The following SGCD variants were observed in gnomAD, a reference collection of about 807,000 sequenced individuals.
SGCD encodes sarcoglycan delta.
In SGCD, 18 loss-of-function variants were observed where a neutral mutation model predicts 36.6. The observed-to-expected ratio is 0.49, with a 90% CI of 0.34 to 0.73. The LOEUF is 0.73. Among genes scored for constraint, SGCD ranks in the 30% least tolerant of loss-of-function variants. The pLI, the probability that SGCD is intolerant of heterozygous loss-of-function variation, is 0.01. For synonymous variants in SGCD, 133 were observed against 130.6 expected, an observed-to-expected ratio of 1.02 and a Z score of -0.12; for missense variants, 387 against 346.7, an observed-to-expected ratio of 1.12 and a Z score of -0.92.
At chr5:156,487,665 A>G (rs1755735984) in intron 3 of SGCD, among the ~76,000 whole-genome samples, 1 of 151,238 alleles carries the variant, frequency 6.6e-6, no homozygotes, top group Non-Finnish European at 1.5e-5. Context: ...GTGTGTGCCT[A>G]TAATCCCAGC....
intron 3 of SGCD, among the ~76,000 whole-genome samples, chr5:156,351,770 G>T (rs1192731146): frequency 6.6e-6 from 1 of 152,050 alleles, no homozygotes; most frequent in African/African-American, 2.4e-5. Context: ...GGAGGGAGTG[G>T]CTCAATAACT....
intron 6 of SGCD, among the ~76,000 whole-genome samples, chr5:156,646,238 C>G (rs1222049061): frequency 6.6e-6 from 1 of 152,192 alleles, no homozygotes; most frequent in African/African-American, 2.4e-5. Flanking sequence ...TCTTCACTTC[C>G]TTTCTACATC....
rs1759117799 is a variant in SGCD, at chr5:156,022,109, T to C, written c.-281-95769T>C. Among the ~76,000 whole-genome samples, 3 of 152,220 alleles carry C rather than the reference T, an allele frequency of 2.0e-5. No individual in the cohort carries two copies. The South Asian group carries it at 6.2e-4, about 32-fold the overall frequency. ...AGATTTGCCTATTTTGAACATTTCA[T>C]ATAAATAGTATCATACAATACATGA... is the stretch of plus-strand genomic sequence containing the variant. On this transcript the variant is annotated intron_variant, in intron 1 of 9. Coordinates refer to the SGCD transcript ENST00000517913.
the SGCD span, among the ~76,000 whole-genome samples, chr5:155,747,514 T>C: frequency 2.6e-5 from 4 of 152,210 alleles, no homozygotes; most frequent in Admixed American, 2.0e-4. Flanking sequence ...TGTTGGAGGA[T>C]AGGGACCTTT....
intron 3 of SGCD, among the ~76,000 whole-genome samples, chr5:156,314,714 G>C (rs867841175): frequency 2.0e-5 from 3 of 151,978 alleles, no homozygotes; most frequent in South Asian, 4.1e-4. Context: ...TTTTGGTAGA[G>C]AACATAGCAG....
chr5:156,299,351 T>C (rs910902109), intron 3 of SGCD, among the ~76,000 whole-genome samples: 2 of 152,202 alleles, frequency 1.3e-5, no homozygotes, highest in Non-Finnish European at 2.9e-5. Context: ...AGCTCTGTAG[T>C]ATAATTTGAA....
At chr5:156,692,432 G>A (rs532046780) in intron 7 of SGCD, among the ~76,000 whole-genome samples, 14 of 152,246 alleles carry the variant, frequency 9.2e-5, no homozygotes, top group East Asian at 1.9e-4. Flanking sequence ...TAGATTTTGC[G>A]CCAGCTGAAG....
At chr5:156,184,531 T>C (rs1288762402) in intron 3 of SGCD, among the ~76,000 whole-genome samples, 1 of 152,186 alleles carries the variant, frequency 6.6e-6, no homozygotes, top group East Asian at 1.9e-4. Context: ...CCCTCATATG[T>C]TTATTGATTG....
intron 7 of SGCD, among the ~76,000 whole-genome samples, chr5:156,729,324 T>C (rs1454433798): frequency 6.6e-6 from 1 of 152,216 alleles, no homozygotes; most frequent in East Asian, 1.9e-4. Flanking sequence ...TGACTGGCAT[T>C]GACAGTAAGG....
intron 1 of SGCD, among the ~76,000 whole-genome samples, chr5:155,967,871 C>A (rs1347114901): frequency 6.6e-6 from 1 of 152,048 alleles, no homozygotes; most frequent in Non-Finnish European, 1.5e-5. Flanking sequence ...CACTGAGACA[C>A]CTTTTTTTCT....
At chr5:156,262,617 G>C (rs1330024968) in intron 3 of SGCD, among the ~76,000 whole-genome samples, 1 of 152,026 alleles carries the variant, frequency 6.6e-6, no homozygotes. Flanking sequence ...TGATTTGTTA[G>C]ATTTTGGTGC....
chr5:156,493,733 G>A (rs567613237), intron 3 of SGCD, among the ~76,000 whole-genome samples: 6 of 152,152 alleles, frequency 3.9e-5, no homozygotes, highest in East Asian at 3.9e-4. Flanking sequence ...ATTATTAAAC[G>A]ACTATCTTAC....
At chr5:156,006,139 G>C (rs755490858) in intron 1 of SGCD, among the ~76,000 whole-genome samples, 21 of 152,160 alleles carry the variant, frequency 1.4e-4, no homozygotes, top group Admixed American at 2.0e-4. Context: ...ATTGTGAGCT[G>C]CTGTTGTTAT....
rs1049044925 is a variant in SGCD, at chr5:156,767,719, G to T, written c.*8329G>T. The T allele has an allele frequency of 6.6e-6, 1 of 152,108 alleles. No individual in the cohort carries two copies. The highest frequency in any genetic ancestry group is 6.6e-5 in the Admixed American group (1 of 15,266). The allele number at this position is 152,108 out of a possible 1,614,324, so 9.4% of individuals were successfully genotyped here. ...ATTACACTTTCTGTATAAAAAATTTGTATTTAATATTATTTCGACCACAGT... is the reference window on the plus strand; with the variant it reads ...ATTACACTTTCTGTATAAAAAATTTTTATTTAATATTATTTCGACCACAGT... On this transcript the variant is annotated 3_prime_UTR_variant, in exon 9 of 9. Coordinates refer to ENST00000337851, the MANE Select transcript of SGCD (RefSeq NM_000337.6).
intron 3 of SGCD, among the ~76,000 whole-genome samples, chr5:156,141,869 G>GTATCAAAC (rs1465210983): frequency 6.6e-6 from 1 of 152,154 alleles, no homozygotes; most frequent in Non-Finnish European, 1.5e-5. Context: ...CTTCAAACTA[G>GTATCAAAC]TATCAAACTT....
intron 1 of SGCD, among the ~76,000 whole-genome samples, chr5:155,906,800 G>A (rs569077979): frequency 9.8e-5 from 14 of 143,532 alleles, no homozygotes. Context: ...TGTTGATGCA[G>A]AAGCTGCAGC....
intron 1 of SGCD, among the ~76,000 whole-genome samples, chr5:155,971,644 G>C (rs889104847): frequency 3.3e-5 from 5 of 152,042 alleles, no homozygotes; most frequent in Non-Finnish European, 5.9e-5. Flanking sequence ...GGGTCAGGGG[G>C]AAAATACTGA....
intron 1 of SGCD, among the ~76,000 whole-genome samples, chr5:156,030,706 AG>A (rs2127575508): frequency 6.6e-6 from 1 of 152,076 alleles, no homozygotes; most frequent in East Asian, 1.9e-4. Flanking sequence ...TCATTTCCAT[AG>A]GGGGTTGTGG....
intron 7 of SGCD, among the ~76,000 whole-genome samples, chr5:156,712,074 G>A (rs1325820655): frequency 1.3e-5 from 2 of 152,142 alleles, no homozygotes; most frequent in Admixed American, 1.3e-4. Context: ...TGCCATCTTG[G>A]TTTTGGTGGG....
Sources: allele counts gnomAD v4.1 joint callset (sites outside exome capture counted in the v4.1 genomes callset), GRCh38; gene constraint gnomAD v4.1.1; transcripts MANE v1.5; gene names NCBI Gene and HGNC (gene_info 2026-07-23, HGNC 2026-07-21).